The following CEP112 variants were observed in gnomAD, a reference collection of about 807,000 sequenced individuals.
The protein encoded by CEP112 is centrosomal protein 112.
CEP112 carries 127 observed loss-of-function variants against 153.0 expected under a neutral mutation model. The observed-to-expected ratio is 0.83, with a 90% CI of 0.72 to 0.96. CEP112 has a LOEUF of 0.96. CEP112 is among the 40% of genes least tolerant of loss of function. CEP112 has a pLI of 0.00. For missense variants in CEP112, 1,089 were observed against 1,101.2 expected (o/e 0.99, Z 0.16); for synonymous variants, 358 against 374.4 (o/e 0.96, Z 0.51).
intron 8 of CEP112, among the ~76,000 whole-genome samples, chr17:66,079,639 A>G (rs1353238719): frequency 2.6e-5 from 4 of 152,128 alleles, no homozygotes; most frequent in African/African-American, 9.7e-5. Flanking sequence ...CTTTTTTTTC[A>G]CAGAATTAGA....
intron 17 of CEP112, among the ~76,000 whole-genome samples, chr17:65,971,660 GCATGTA>G: frequency 8.2e-6 from 1 of 122,200 alleles, no homozygotes; most frequent in South Asian, 3.6e-4. Flanking sequence ...CATGTCACAT[GCATGTA>G]TGTTACATGC....
chr17:65,784,049 A>G (rs1008672041), intron 21 of CEP112, among the ~76,000 whole-genome samples: 3 of 152,256 alleles, frequency 2.0e-5, no homozygotes, highest in African/African-American at 7.2e-5. Context: ...GGAGTGATGC[A>G]AGTGCAAGAT....
At chr17:66,014,544 C>A (rs1480687608) in intron 16 of CEP112, among the ~76,000 whole-genome samples, 1 of 152,202 alleles carries the variant, frequency 6.6e-6, no homozygotes, top group African/African-American at 2.4e-5. Context: ...TCTCTGGGCT[C>A]TGTACAGGCT....
At chr17:66,053,023 C>T (rs1008609205) in intron 12 of CEP112, among the ~76,000 whole-genome samples, 1 of 151,658 alleles carries the variant, frequency 6.6e-6, no homozygotes, top group East Asian at 1.9e-4. Flanking sequence ...ACAAGAATCG[C>T]TTGAGCCTGG....
intron 24 of CEP112, among the ~76,000 whole-genome samples, chr17:65,647,633 T>A (rs370874737): frequency 7.6e-6 from 1 of 131,396 alleles, no homozygotes; most frequent in Non-Finnish European, 1.6e-5. Flanking sequence ...CGTGCCACCA[T>A]GCCCAGCTAA....
intron 20 of CEP112, among the ~76,000 whole-genome samples, chr17:65,854,536 A>G (rs1379196432): frequency 6.6e-6 from 1 of 152,180 alleles, no homozygotes; most frequent in Non-Finnish European, 1.5e-5. Context: ...TTATAGTAAT[A>G]AATCTGAGCC....
chr17:65,964,990 C>T (rs112829277), intron 17 of CEP112, among the ~76,000 whole-genome samples: 24 of 152,278 alleles, frequency 1.6e-4, no homozygotes, highest in African/African-American at 5.5e-4. Context: ...AAAGATAACA[C>T]ATTTTATAAA....
chr17:65,869,745 G>A (rs911606061), intron 20 of CEP112, among the ~76,000 whole-genome samples: 5 of 151,452 alleles, frequency 3.3e-5, no homozygotes, highest in East Asian at 1.9e-4. Flanking sequence ...CACCACATTC[G>A]GCTAAATTTT....
intron 17 of CEP112, among the ~76,000 whole-genome samples, chr17:65,970,054 A>G (rs1330081963): frequency 6.6e-6 from 1 of 152,204 alleles, no homozygotes. Context: ...TGCATGCCAC[A>G]TCACATGTGT....
chr17:65,869,714 G>A (rs1269539906), intron 20 of CEP112, among the ~76,000 whole-genome samples: 1 of 151,624 alleles, frequency 6.6e-6, no homozygotes, highest in African/African-American at 2.4e-5. Context: ...CAAGTAGCTG[G>A]GACTACAGGC....
At chr17:66,025,316 T>C (rs1011871394) in intron 16 of CEP112, among the ~76,000 whole-genome samples, 1 of 151,758 alleles carries the variant, frequency 6.6e-6, no homozygotes, top group Admixed American at 6.6e-5. Flanking sequence ...GAAAGCAAGG[T>C]AAATAATCAA....
intron 23 of CEP112, among the ~76,000 whole-genome samples, chr17:65,695,792 C>T (rs987531873): frequency 2.0e-5 from 3 of 152,292 alleles, no homozygotes; most frequent in Admixed American, 2.0e-4. Flanking sequence ...CTGCTCTCGC[C>T]TTTGGCCCAC....
chr17:66,123,634 T>C (rs2069701692), intron 6 of CEP112, among the ~76,000 whole-genome samples: 1 of 152,224 alleles, frequency 6.6e-6, no homozygotes, highest in Non-Finnish European at 1.5e-5. Flanking sequence ...GCTACCATTC[T>C]AGAAATAGAA....
At chr17:66,093,718 G>C (rs760052882) in intron 8 of CEP112, among the ~76,000 whole-genome samples, 2 of 152,092 alleles carry the variant, frequency 1.3e-5, no homozygotes, top group Non-Finnish European at 2.9e-5. Flanking sequence ...TTCATGAACT[G>C]GAAGAACTAA....
At chr17:65,983,386 T>G (rs895763570) in intron 17 of CEP112, among the ~76,000 whole-genome samples, 1 of 152,172 alleles carries the variant, frequency 6.6e-6, no homozygotes, top group African/African-American at 2.4e-5. Context: ...TTTTTGCCTT[T>G]TAGTCTTTTA....
At chr17:66,092,093 G>A (rs1475334217) in intron 8 of CEP112, among the ~76,000 whole-genome samples, 2 of 149,422 alleles carry the variant, frequency 1.3e-5, no homozygotes, top group Non-Finnish European at 3.0e-5. Context: ...CCAGGCTGGA[G>A]TGCAGTAGTG....
At chr17:65,918,991 T>G (rs918387865) in intron 19 of CEP112, among the ~76,000 whole-genome samples, 1 of 152,224 alleles carries the variant, frequency 6.6e-6, no homozygotes. Flanking sequence ...TCCCTCTGAA[T>G]GTCAGTCAGT....
intron 20 of CEP112, among the ~76,000 whole-genome samples, chr17:65,881,092 G>A (rs2059051883): frequency 6.6e-6 from 1 of 152,148 alleles, no homozygotes; most frequent in Non-Finnish European, 1.5e-5. Context: ...GCATGCGCTT[G>A]TAGTCCCAGC....
intron 15 of CEP112, 86 bp from the exon 16 acceptor site, chr17:66,027,646 T>A (rs2065272973): frequency 1.0e-6 from 1 of 963,394 alleles, no homozygotes; most frequent in Non-Finnish European, 1.4e-6. Context: ...TCAATCAATC[T>A]ACTTAATGTC....
Sources: gnomAD v4.1 joint callset for allele counts (sites outside exome capture counted in the v4.1 genomes callset) on GRCh38, gnomAD v4.1.1 for gene constraint, MANE v1.5 for transcripts, NCBI Gene and HGNC (gene_info 2026-07-23, HGNC 2026-07-21) for gene names.